DKK3: variants seen among roughly 807,000 people sequenced by gnomAD.
DKK3 encodes the protein dickkopf Wnt signaling pathway inhibitor 3.
DKK3 carries 22 observed loss-of-function variants against 33.2 expected under a neutral mutation model. The observed-to-expected ratio is 0.66, with a 90% CI of 0.47 to 0.95. The LOEUF (loss-of-function observed/expected upper bound fraction) is 0.95. Ranked by LOEUF, DKK3 falls within the 40% of genes least tolerant of loss-of-function variation. DKK3 has a pLI of 0.00. For missense variants in DKK3, 398 were observed against 458.4 expected, an observed-to-expected ratio of 0.87 and a Z score of 1.20; for synonymous variants, 194 against 188.8, an observed-to-expected ratio of 1.03 and a Z score of -0.23.
Position 11,964,332 on chromosome 11 carries a change from T to G in DKK3, c.*132A>C. The G allele has an allele frequency of 1.7e-6, 2 of 1,164,274 alleles. No homozygotes were observed. The highest frequency in any genetic ancestry group is 2.4e-6 in the Non-Finnish European group (2 of 825,236). The allele number at this position is 1,164,274 out of a possible 1,614,324, so 72.1% of individuals were successfully genotyped here. A position where few individuals can be genotyped will look rare whatever the true frequency, so the allele number is the denominator to read the frequency against. On this transcript the variant is annotated 3_prime_UTR_variant, in exon 7 of 7. Coordinates refer to ENST00000683431, the MANE Select transcript of DKK3 (RefSeq NM_001018057.2). ...TGAACAAATGCACAACACCTCATGCTGTCAAGCCAGAGGGGAAACTTACTG... is the reference window on the plus strand; with the variant it reads ...TGAACAAATGCACAACACCTCATGCGGTCAAGCCAGAGGGGAAACTTACTG...
Position 11,966,934 on chromosome 11 carries a change from T to A in DKK3, c.673+20A>T, listed in dbSNP as rs748902062. 50 of 1,612,204 alleles carry A rather than the reference T, an allele frequency of 3.1e-5. No homozygotes were observed. The highest frequency in any genetic ancestry group is 4.1e-5 in the Non-Finnish European group (48 of 1,179,022). ...AGCTTGGGACAGGGTTTTTCCTGCA[T>A]CTGAGGGGAGGCCACTCACCTCTCT... On this transcript the variant is annotated intron_variant, in intron 5 of 6. Coordinates refer to ENST00000683431, the MANE Select transcript of DKK3 (RefSeq NM_001018057.2).
intron 3 of DKK3, chr11:11,998,220 G>A (rs1848339817): frequency 5.2e-6 from 1 of 190,554 alleles, no homozygotes; most frequent in Non-Finnish European, 1.1e-5. Context: ...AGCAATCACA[G>A]GGGACCAGAG....
In DKK3 at chr11:11,984,762, G is replaced by A. The variant is rs183430760; in HGVS notation, c.435+13934C>T. Reference sequence around the variant, plus strand: ...AAAAAGTCACTTCCCCAGCCCCCTGGCAGGGCTGCTGGGTGGGGGACGGCG... The same window carrying A: ...AAAAAGTCACTTCCCCAGCCCCCTGACAGGGCTGCTGGGTGGGGGACGGCG... On this transcript the variant is annotated intron_variant, in intron 3 of 6. Coordinates refer to ENST00000683431, the MANE Select transcript of DKK3 (RefSeq NM_001018057.2). 2.0e-5 allele frequency among the ~76,000 whole-genome samples: 3 copies of A among 152,152 alleles called. 1 individual carries two copies. In the South Asian group the frequency reaches 6.2e-4, roughly 32 times the overall value.
rs1847525858 is a variant in DKK3 at position 11,964,279 on chromosome 11, T to A, written c.*185A>T. 1.2e-5 allele frequency: 9 copies of A among 758,022 alleles called. No individual in the cohort carries two copies. Among genetic ancestry groups the A allele is most frequent in the Non-Finnish European group, 1.9e-5 (9 of 470,326 alleles). The allele number at this position is 758,022 out of a possible 1,614,324, so 47.0% of individuals were successfully genotyped here. A position where few individuals can be genotyped will look rare whatever the true frequency, so the allele number is the denominator to read the frequency against. The stretch of plus-strand genomic sequence containing the variant: ...CCTGACTCTCCCAAGCACCAGACTG[T>A]GAAGCCTGGAGAACAGCCTGGGGGA... On this transcript the variant is annotated 3_prime_UTR_variant, in exon 7 of 7. Transcript: ENST00000683431.
intron 3 of DKK3, among the ~76,000 whole-genome samples, chr11:11,982,341 T>C (rs1333307358): frequency 6.6e-6 from 1 of 151,656 alleles, no homozygotes; most frequent in African/African-American, 2.4e-5. Flanking sequence ...CTCCTAGGAG[T>C]TGGCAAGTTG....
rs1350295460 is a variant in DKK3 at position 12,008,602 on chromosome 11, C to G, written c.-20G>C. On this transcript the variant is annotated 5_prime_UTR_variant, in exon 1 of 7. Transcript: ENST00000683431. The surrounding 1 kb of genome is among the most constrained non-coding windows in gnomAD (Gnocchi z 4.6). ...CTGCATCTCCGCTCTGCGCCCGCAG[C>G]CGCCGCCTGTGTGTCCCGGAACGCG... The G allele has an allele frequency of 2.2e-6, 3 of 1,380,942 alleles. No homozygotes were observed. Among genetic ancestry groups the G allele is most frequent in the Non-Finnish European group, 2.8e-6 (3 of 1,077,448 alleles). The allele number at this position is 1,380,942 out of a possible 1,614,324, so 85.5% of individuals were successfully genotyped here.
upstream of DKK3, chr11:12,008,720 C>G: frequency 8.3e-7 from 1 of 1,211,160 alleles, no homozygotes; most frequent in Non-Finnish European, 1.0e-6. The surrounding 1 kb of genome is among the most constrained non-coding windows in gnomAD (Gnocchi z 4.6). Flanking sequence ...TTTCCCGCAC[C>G]CGCCCGGAGA....
intron 6 of DKK3, 105 bp from the exon 7 acceptor site, chr11:11,964,791 C>T: frequency 6.6e-7 from 1 of 1,522,682 alleles, no homozygotes; most frequent in Non-Finnish European, 8.8e-7. Context: ...CCTTCATGCC[C>T]CCTCCTCTCC....
intron 3 of DKK3, among the ~76,000 whole-genome samples, chr11:11,973,390 CA>C (rs1272810060): frequency 1.3e-5 from 2 of 152,230 alleles, no homozygotes; most frequent in Non-Finnish European, 2.9e-5. Context: ...GGGCCCCATG[CA>C]TCCCCAGAGA....
At chr11:11,982,275 C>T (rs2135042204) in intron 3 of DKK3, among the ~76,000 whole-genome samples, 1 of 107,572 alleles carries the variant, frequency 9.3e-6, no homozygotes, top group Non-Finnish European at 2.2e-5. Context: ...ATAACAAGCC[C>T]TCCTAGGGGA....
In DKK3 at chr11:11,982,637, C is replaced by T. The variant is rs553773447; in HGVS notation, c.436-14150G>A. 4.5e-3 allele frequency among the ~76,000 whole-genome samples: 680 copies of T among 152,240 alleles called. 6 individuals carry two copies. The highest frequency in any genetic ancestry group is 7.6e-3 in the Admixed American group (116 of 15,306). ...TTCAGCCGTGGAGGGTAGCAGCGCC[C>T]GGCCGTGGCCACAGAGTTCTGGGCC... On this transcript the variant is annotated intron_variant, in intron 3 of 6. Coordinates refer to ENST00000683431, the MANE Select transcript of DKK3 (RefSeq NM_001018057.2).
chr11:11,968,690 G>C, intron 3 of DKK3: 1 of 505,774 alleles, frequency 2.0e-6, no homozygotes, highest in South Asian at 2.8e-5. Flanking sequence ...TAGGAGGCTT[G>C]GCAGCCCAGA....
chr11:11,990,130 G>A (rs977179011), intron 3 of DKK3, among the ~76,000 whole-genome samples: 9 of 152,220 alleles, frequency 5.9e-5, no homozygotes, highest in African/African-American at 2.2e-4. Context: ...AGACCCTATG[G>A]TGAAAGTTAT....
At chr11:12,006,306 T>C (rs1848535034) in intron 1 of DKK3, among the ~76,000 whole-genome samples, 1 of 152,184 alleles carries the variant, frequency 6.6e-6, no homozygotes, top group Non-Finnish European at 1.5e-5. Flanking sequence ...GACCAGTGGA[T>C]ATTCAGGGAT....
At chr11:11,968,272 G>A (rs1847646275) in intron 4 of DKK3, 123 bp downstream of exon 4, 2 of 848,640 alleles carry the variant, frequency 2.4e-6, no homozygotes, top group Non-Finnish European at 1.8e-6. Flanking sequence ...AGCCCTCTTG[G>A]GTCCTCCCCA....
At chr11:11,986,141 C>T (rs578080492) in intron 3 of DKK3, among the ~76,000 whole-genome samples, 7 of 152,290 alleles carry the variant, frequency 4.6e-5, no homozygotes, top group African/African-American at 1.7e-4. Context: ...GGGCAGGCCC[C>T]TCCGCCATCT....
chr11:11,995,586 AG>A (rs1219744413), intron 3 of DKK3, among the ~76,000 whole-genome samples: 1 of 152,252 alleles, frequency 6.6e-6, no homozygotes, highest in Non-Finnish European at 1.5e-5. Context: ...TGCCATCAAA[AG>A]GGTGCCTTGG....
At chr11:11,986,851 A>G (rs1159763506) in intron 3 of DKK3, among the ~76,000 whole-genome samples, 1 of 152,352 alleles carries the variant, frequency 6.6e-6, no homozygotes, top group Admixed American at 6.5e-5. Context: ...AAACACGTAA[A>G]ACACTGGGTA....
In DKK3 at chr11:12,002,546, G is replaced by C. The variant is rs992579224; in HGVS notation, c.214-109C>G. 6.7e-6 allele frequency: 8 copies of C among 1,189,608 alleles called. No homozygotes were observed. The East Asian group carries it at 1.9e-4, about 29-fold the overall frequency. The allele number at this position is 1,189,608 out of a possible 1,614,324, so 73.7% of individuals were successfully genotyped here. On this transcript the variant is annotated intron_variant, in intron 1 of 6. Transcript: ENST00000683431. ...CTCTTCTGCAATTACAAAGAATGAT[G>C]ATGATGATAGGTGCTATTAATTGAG...
Sources: allele counts gnomAD v4.1 joint callset (sites outside exome capture counted in the v4.1 genomes callset), GRCh38; gene constraint gnomAD v4.1.1; non-coding constraint Gnocchi (gnomAD v3.1); transcripts MANE v1.5; gene names NCBI Gene and HGNC (gene_info 2026-07-23, HGNC 2026-07-21).